MDGA2: variants seen among roughly 807,000 people sequenced by gnomAD.
MDGA2 encodes the protein MAM domain containing glycosylphosphatidylinositol anchor 2.
Under a neutral mutation model 117.8 loss-of-function variants are expected in MDGA2, and 40 were observed. That is an observed-to-expected ratio of 0.34 (90% CI 0.26 to 0.44). MDGA2 has a LOEUF of 0.44. MDGA2 is among the 20% of genes least tolerant of loss of function. The probability of loss-of-function intolerance (pLI) is 1.00; values close to 1 mark genes in which losing one functional copy is unlikely to be tolerated. For synonymous variants in MDGA2, 452 were observed against 439.0 expected (o/e 1.03, Z -0.37); for missense variants, 1,123 against 1,250.6 (o/e 0.90, Z 1.54).
At chr14:47,311,183 A>C (rs17740294) in intron 1 of MDGA2, among the ~76,000 whole-genome samples, 13,547 of 152,152 alleles carry the variant, frequency 0.089, 733 homozygotes, top group Non-Finnish European at 0.11. Context: ...GTTTTCTTGG[A>C]AACATCCACA....
chr14:47,665,149 T>C (rs980340426), intron 1 of MDGA2, among the ~76,000 whole-genome samples: 9 of 151,394 alleles, frequency 5.9e-5, no homozygotes, highest in Non-Finnish European at 1.3e-4. Flanking sequence ...GCAATGCCCT[T>C]TCTTCCTTCT....
chr14:46,981,170 A>ACG (rs1478231388), intron 8 of MDGA2, among the ~76,000 whole-genome samples: 1 of 67,438 alleles, frequency 1.5e-5, no homozygotes, highest in Non-Finnish European at 3.2e-5. Flanking sequence ...TTGGGAGGCC[A>ACG]AGGGGGGGGC....
intron 1 of MDGA2, among the ~76,000 whole-genome samples, chr14:47,523,663 A>G (rs1894915040): frequency 6.6e-6 from 1 of 152,170 alleles, no homozygotes; most frequent in African/African-American, 2.4e-5. Flanking sequence ...TCTAATCCCC[A>G]GGTGGGCTCA....
In MDGA2 at chr14:46,980,340, C is replaced by A. The variant is rs115209714; in HGVS notation, c.1820-22697G>T. ...GCCTGAAGATGTGACTGAACTGCTGCAATCTCACAGAATAATTTCAGTGGA... is the reference window on the plus strand; with the variant it reads ...GCCTGAAGATGTGACTGAACTGCTGAAATCTCACAGAATAATTTCAGTGGA... On this transcript the variant is annotated intron_variant, in intron 8 of 16. Transcript: ENST00000399232. 3.4e-3 allele frequency among the ~76,000 whole-genome samples: 521 copies of A among 152,238 alleles called. 2 individuals are homozygous for A. The highest frequency in any genetic ancestry group is 0.012 in the African/African-American group (493 of 41,552).
intron 3 of MDGA2, among the ~76,000 whole-genome samples, chr14:47,159,318 T>TA (rs947764782): frequency 1.5e-4 from 22 of 151,532 alleles, no homozygotes; most frequent in South Asian, 1.3e-3. Context: ...ATATAACACT[T>TA]AAAAAAAAAT....
intron 8 of MDGA2, among the ~76,000 whole-genome samples, chr14:46,979,934 A>T (rs374308705): frequency 6.6e-6 from 1 of 152,210 alleles, no homozygotes; most frequent in Non-Finnish European, 1.5e-5. Context: ...ACAGCCTTCT[A>T]TTGGAAGAAG....
rs137981902 is a variant in MDGA2, at chr14:47,586,217, C to T, written c.280+88300G>A. ...TGGTGTATAGCATTAACCGTCAACACGAGACTGCACTTAATACTACTACTA... is the reference window on the plus strand; with the variant it reads ...TGGTGTATAGCATTAACCGTCAACATGAGACTGCACTTAATACTACTACTA... On this transcript the variant is annotated intron_variant, in intron 1 of 16. Transcript: ENST00000399232. Among the ~76,000 whole-genome samples the T allele has an allele frequency of 5.2e-3, 790 of 152,024 alleles. 4 individuals carry two copies. Among genetic ancestry groups the T allele is most frequent in the African/African-American group, 7.5e-3 (310 of 41,518 alleles).
Position 47,049,405 on chromosome 14 carries a change from C to T in MDGA2, c.1525+11844G>A, listed in dbSNP as rs187375524. ...GCATATAACCTATCTCATCTTCCCA[C>T]ACATGTTAAAAAATCTCTAGATTAG... is the stretch of plus-strand genomic sequence containing the variant. On this transcript the variant is annotated intron_variant, in intron 7 of 16. Coordinates refer to ENST00000399232, the MANE Select transcript of MDGA2 (RefSeq NM_001113498.3). 3.6e-3 allele frequency among the ~76,000 whole-genome samples: 528 copies of T among 144,796 alleles called. 5 individuals are homozygous for T. The highest frequency in any genetic ancestry group is 0.013 in the African/African-American group (502 of 39,786). The allele number at this position is 144,796 out of a possible 152,430, so 95.0% of individuals were successfully genotyped here. A position where few individuals can be genotyped will look rare whatever the true frequency, so the allele number is the denominator to read the frequency against.
intron 1 of MDGA2, among the ~76,000 whole-genome samples, chr14:47,375,212 A>G (rs774431804): frequency 2.3e-4 from 35 of 151,566 alleles, no homozygotes; most frequent in Non-Finnish European, 4.7e-4. Context: ...AAAAAAAAAA[A>G]CATTTAGTAA....
chr14:47,144,020 C>G, intron 4 of MDGA2, 58 bp downstream of exon 4: 2 of 1,269,912 alleles, frequency 1.6e-6, no homozygotes, highest in Non-Finnish European at 2.1e-6. Flanking sequence ...TTCATGCTGC[C>G]TGAATTAGGA....
chr14:46,979,115 A>G (rs768386750), intron 8 of MDGA2, among the ~76,000 whole-genome samples: 8 of 152,138 alleles, frequency 5.3e-5, no homozygotes, highest in Non-Finnish European at 1.2e-4. Flanking sequence ...TTCTTAAAAT[A>G]TTTCCAACTT....
At chr14:47,550,051 T>A (rs1432519772) in intron 1 of MDGA2, among the ~76,000 whole-genome samples, 1 of 152,152 alleles carries the variant, frequency 6.6e-6, no homozygotes, top group African/African-American at 2.4e-5. Context: ...TAGCATACTT[T>A]AAAAAAACTT....
chr14:46,957,962 C>A (rs1885630829), intron 8 of MDGA2, among the ~76,000 whole-genome samples: 1 of 152,042 alleles, frequency 6.6e-6, no homozygotes, highest in Non-Finnish European at 1.5e-5. Flanking sequence ...CAATATATTC[C>A]TTTTTTGTTT....
chr14:47,160,701 C>A (rs1263661739), intron 3 of MDGA2, among the ~76,000 whole-genome samples: 2 of 152,116 alleles, frequency 1.3e-5, no homozygotes, highest in African/African-American at 2.4e-5. Flanking sequence ...CACACACAGA[C>A]AAACATAAAA....
At chr14:46,882,023 T>A (rs757453175) in intron 11 of MDGA2, 21 bp downstream of exon 11, 3 of 1,458,140 alleles carry the variant, frequency 2.1e-6, no homozygotes, top group Non-Finnish European at 2.7e-6. Context: ...AATAAATAAT[T>A]TTAAATGAAA....
intron 3 of MDGA2, among the ~76,000 whole-genome samples, chr14:47,151,421 T>G (rs1249374038): frequency 6.6e-6 from 1 of 152,222 alleles, no homozygotes; most frequent in African/African-American, 2.4e-5. Flanking sequence ...TACAGAGTTT[T>G]ATGATAAGGA....
chr14:47,618,299 A>C (rs942872717), intron 1 of MDGA2, among the ~76,000 whole-genome samples: 6 of 152,218 alleles, frequency 3.9e-5, no homozygotes, highest in African/African-American at 1.4e-4. Flanking sequence ...TGCAAAATTC[A>C]GAATGAAAGA....
chr14:47,001,862 C>A (rs1162970466), intron 8 of MDGA2, among the ~76,000 whole-genome samples: 1 of 151,988 alleles, frequency 6.6e-6, no homozygotes, highest in Non-Finnish European at 1.5e-5. Context: ...TATATACATT[C>A]TAGACATTTT....
intron 10 of MDGA2, among the ~76,000 whole-genome samples, chr14:46,889,112 C>T (rs973121216): frequency 6.6e-6 from 1 of 151,942 alleles, no homozygotes; most frequent in Non-Finnish European, 1.5e-5. Flanking sequence ...GTTTTAATAA[C>T]CCCTTTTAGG....
Sources: allele counts gnomAD v4.1 joint callset (sites outside exome capture counted in the v4.1 genomes callset), GRCh38; gene constraint gnomAD v4.1.1; transcripts MANE v1.5; gene names NCBI Gene and HGNC (gene_info 2026-07-23, HGNC 2026-07-21).